The following SH3RF1 variants were observed in gnomAD, a reference collection of about 807,000 sequenced individuals.
The protein encoded by SH3RF1 is E3 ubiquitin-protein ligase SH3RF1.
In SH3RF1, 32 loss-of-function variants were observed where a neutral mutation model predicts 74.0. That is an observed-to-expected ratio of 0.43 (90% CI 0.33 to 0.58). The LOEUF is 0.58. SH3RF1 is among the 20% of genes least tolerant of loss of function. The pLI, the probability that SH3RF1 is intolerant of heterozygous loss-of-function variation, is 0.05. For missense variants in SH3RF1, 954 were observed against 1,130.9 expected (o/e 0.84, Z 2.24); for synonymous variants, 396 against 439.6 (o/e 0.90, Z 1.24).
At chr4:169,187,385 G>A (rs994957966) in intron 2 of SH3RF1, among the ~76,000 whole-genome samples, 10 of 151,988 alleles carry the variant, frequency 6.6e-5, no homozygotes, top group African/African-American at 2.2e-4. Flanking sequence ...TGGAGATGGG[G>A]TCTCTATATT....
chr4:169,096,757 C>T, intron 11 of SH3RF1, 70 bp from the exon 12 acceptor site: 1 of 1,376,556 alleles, frequency 7.3e-7, no homozygotes, highest in Non-Finnish European at 1.0e-6. Context: ...TACTGTTAGT[C>T]TGCACGAACC....
chr4:169,210,559 T>C (rs1266525322), intron 2 of SH3RF1, among the ~76,000 whole-genome samples: 1 of 152,238 alleles, frequency 6.6e-6, no homozygotes, highest in Non-Finnish European at 1.5e-5. Context: ...AAATTATGTA[T>C]GCAAAATATT....
intron 2 of SH3RF1, among the ~76,000 whole-genome samples, chr4:169,216,093 C>T (rs1425340953): frequency 6.6e-6 from 1 of 152,132 alleles, no homozygotes; most frequent in Non-Finnish European, 1.5e-5. Context: ...CATGAGCCAC[C>T]ATGCCCAGCC....
chr4:169,241,102 C>A lies in SH3RF1; in HGVS notation c.393+27718G>T, dbSNP rs61132655. Among the ~76,000 whole-genome samples, 9 of 152,158 alleles carry A rather than the reference C, an allele frequency of 5.9e-5. No individual in the cohort carries two copies. In the South Asian group the frequency reaches 6.2e-4, roughly 11 times the overall value. ...AAAATTAGCCAAGCGTGGTGGCGGG[C>A]GCCTGTAGTCCCAGCTACTCAGGAG... On this transcript the variant is annotated intron_variant, in intron 2 of 11. Transcript: ENST00000284637.
intron 2 of SH3RF1, among the ~76,000 whole-genome samples, chr4:169,192,465 CAATCAAAA>C (rs571119666): frequency 3.1e-4 from 47 of 151,886 alleles, no homozygotes; most frequent in Non-Finnish European, 5.7e-4. Flanking sequence ...AGAATGGCCA[CAATCAAAA>C]AATCAAAAAA....
At chr4:169,205,416 G>A (rs1378572542) in intron 2 of SH3RF1, among the ~76,000 whole-genome samples, 2 of 152,114 alleles carry the variant, frequency 1.3e-5, no homozygotes, top group East Asian at 3.8e-4. Flanking sequence ...GTAGTAATAA[G>A]CATGGCAACT....
chr4:169,170,277 T>A (rs1306166075), intron 2 of SH3RF1, among the ~76,000 whole-genome samples: 1 of 151,924 alleles, frequency 6.6e-6, no homozygotes, highest in Non-Finnish European at 1.5e-5. Flanking sequence ...CATTTTTTTC[T>A]GTTTCTAGGT....
chr4:169,223,741 G>T (rs748286197), intron 2 of SH3RF1, among the ~76,000 whole-genome samples: 1 of 152,064 alleles, frequency 6.6e-6, no homozygotes, highest in Non-Finnish European at 1.5e-5. Context: ...TGTGATAAGC[G>T]CAAATAAAAA....
chr4:169,223,390 C>T (rs1196063725), intron 2 of SH3RF1, among the ~76,000 whole-genome samples: 1 of 152,014 alleles, frequency 6.6e-6, no homozygotes, highest in African/African-American at 2.4e-5. Context: ...GGGGTGGTGG[C>T]TAAAATGGCC....
At chr4:169,190,111 A>G (rs1484248978) in intron 2 of SH3RF1, among the ~76,000 whole-genome samples, 1 of 152,210 alleles carries the variant, frequency 6.6e-6, no homozygotes, top group Non-Finnish European at 1.5e-5. Flanking sequence ...CTAAACGCCT[A>G]CATCAAAAAG....
At chr4:169,221,602 T>C (rs1032835086) in intron 2 of SH3RF1, among the ~76,000 whole-genome samples, 1 of 152,210 alleles carries the variant, frequency 6.6e-6, no homozygotes, top group Admixed American at 6.5e-5. Flanking sequence ...ACGTTCTTTA[T>C]GATAGCACTT....
chr4:169,175,572 G>A (rs1228597442), intron 2 of SH3RF1, among the ~76,000 whole-genome samples: 1 of 152,072 alleles, frequency 6.6e-6, no homozygotes, highest in Admixed American at 6.6e-5. Context: ...TGTCATCTCA[G>A]AAGGCTTCCC....
intron 6 of SH3RF1, among the ~76,000 whole-genome samples, chr4:169,125,863 C>T (rs997683573): frequency 2.0e-5 from 3 of 152,192 alleles, no homozygotes; most frequent in Admixed American, 1.3e-4. Flanking sequence ...ATGGAGATGC[C>T]TGTTGAAATT....
At chr4:169,231,924 T>C (rs1261261917) in intron 2 of SH3RF1, among the ~76,000 whole-genome samples, 1 of 152,198 alleles carries the variant, frequency 6.6e-6, no homozygotes, top group Non-Finnish European at 1.5e-5. Flanking sequence ...AGGGGAAAAG[T>C]ATTTCAACAG....
chr4:169,269,129 G>A lies in SH3RF1; in HGVS notation c.84C>T (p.Cys28=). The change falls in exon 2 of 12, where the codon TGC becomes TGT. Residue 28 remains cysteine, a synonymous_variant. Transcript: ENST00000284637. ...RLDASAKVLP[C]QHTFCKRCLL... is the part of the protein sequence containing the mutation. ...AACATCGCTTGCAAAACGTATGCTGGCAAGGCAAGACCTTCGCAGAAGCAT... is the reference window on the plus strand; with the variant it reads ...AACATCGCTTGCAAAACGTATGCTGACAAGGCAAGACCTTCGCAGAAGCAT... 1 of 1,613,826 alleles carries A rather than the reference G, an allele frequency of 6.2e-7. No individual in the cohort carries two copies. The highest frequency in any genetic ancestry group is 8.5e-7 in the Non-Finnish European group (1 of 1,180,008).
At chr4:169,101,586 G>GA (rs1429722229) in intron 11 of SH3RF1, among the ~76,000 whole-genome samples, 10 of 138,604 alleles carry the variant, frequency 7.2e-5, no homozygotes, top group Non-Finnish European at 1.5e-5. Context: ...TTGTACACTT[G>GA]AAAAAATAGT....
chr4:169,117,530 C>G lies in SH3RF1; in HGVS notation c.1770G>C (p.Val590=). The change falls in exon 9 of 12, where the codon GTG becomes GTC. Residue 590 remains valine, a synonymous_variant. Transcript: ENST00000284637. ...GCCTGGGTTCCTCCTTACCTGTCCT[C>G]ACAGCATTGCGGGCCTGGTTGACTG... ...QMTVNQARNA[V]RTVAAHNQER... 1 of 1,614,224 alleles carries G rather than the reference C, an allele frequency of 6.2e-7. No homozygotes were observed. Among genetic ancestry groups the G allele is most frequent in the Middle Eastern group, 1.6e-4 (1 of 6,062 alleles).
At chr4:169,195,699 A>G (rs577396170) in intron 2 of SH3RF1, among the ~76,000 whole-genome samples, 1 of 151,674 alleles carries the variant, frequency 6.6e-6, no homozygotes, top group East Asian at 1.9e-4. Flanking sequence ...CTTTAGTTGT[A>G]TCTGATTTGT....
chr4:169,222,072 CT>C (rs368377526), intron 2 of SH3RF1, among the ~76,000 whole-genome samples: 189 of 152,274 alleles, frequency 1.2e-3, no homozygotes, highest in Non-Finnish European at 2.4e-3. Context: ...TTCAAACCAC[CT>C]TTTTGGGTTT....
Sources: allele counts gnomAD v4.1 joint callset (sites outside exome capture counted in the v4.1 genomes callset), GRCh38; gene constraint gnomAD v4.1.1; transcripts MANE v1.5; gene names NCBI Gene and HGNC (gene_info 2026-07-23, HGNC 2026-07-21).